CETN3: variants seen among roughly 807,000 people sequenced by gnomAD.
CETN3 encodes centrin 3, also known as centrin-3.
A neutral mutation model predicts 20.1 loss-of-function variants in CETN3; 17 were observed. That is an observed-to-expected ratio of 0.85 (90% CI 0.58 to 1.27). CETN3 has a LOEUF of 1.27. Among genes scored for constraint, CETN3 ranks in the 50% most tolerant of loss-of-function variants. CETN3 has a pLI of 0.00. For missense variants in CETN3, 169 were observed against 191.2 expected, an observed-to-expected ratio of 0.88 and a Z score of 0.69; for synonymous variants, 52 against 59.7, an observed-to-expected ratio of 0.87 and a Z score of 0.59.
intron 4 of CETN3, chr5:90,395,758 G>T (rs1749124154): frequency 1.8e-5 from 8 of 444,512 alleles, no homozygotes; most frequent in Non-Finnish European, 2.1e-5. Context: ...GTACAATGGT[G>T]TTCATTGTAC....
chr5:90,398,988 G>C (rs1221305601), intron 4 of CETN3: 4 of 345,094 alleles, frequency 1.2e-5, no homozygotes. Context: ...TAGAAATTAG[G>C]GCCTGAACTA....
chr5:90,400,709 G>A (rs568311355), intron 3 of CETN3, among the ~76,000 whole-genome samples: 12 of 151,606 alleles, frequency 7.9e-5, no homozygotes, highest in African/African-American at 1.9e-4. Context: ...TGTTTCACCC[G>A]TATTTGGTTC....
intron 4 of CETN3, among the ~76,000 whole-genome samples, chr5:90,394,662 AG>A (rs1749098449): frequency 6.6e-6 from 1 of 151,994 alleles, no homozygotes; most frequent in South Asian, 2.1e-4. Context: ...CATACCTCAA[AG>A]GTATCAATAA....
intron 1 of CETN3, 89 bp downstream of exon 1, chr5:90,409,556 C>T (rs1749567891): frequency 6.6e-7 from 1 of 1,509,400 alleles, no homozygotes; most frequent in Admixed American, 1.7e-5. Context: ...CCTGCCTCGC[C>T]TCGGCCCCAA....
At chr5:90,409,559 G>T in intron 1 of CETN3, 86 bp downstream of exon 1, 1 of 1,514,242 alleles carries the variant, frequency 6.6e-7, no homozygotes, top group Non-Finnish European at 9.2e-7. Flanking sequence ...GCCTCGCCTC[G>T]GCCCCAAACG....
intron 3 of CETN3, chr5:90,405,313 C>T (rs1204089976): frequency 9.1e-6 from 2 of 220,406 alleles, no homozygotes; most frequent in East Asian, 9.8e-5. Context: ...TCTTGGGAAA[C>T]ATTTTCCAAA....
At chr5:90,400,548 A>T (rs888125892) in intron 3 of CETN3, among the ~76,000 whole-genome samples, 3 of 151,496 alleles carry the variant, frequency 2.0e-5, no homozygotes, top group Non-Finnish European at 4.4e-5. Context: ...TTACTATGCT[A>T]TTAAAAATAA....
Sources: gnomAD v4.1 joint callset for allele counts (sites outside exome capture counted in the v4.1 genomes callset) on GRCh38, gnomAD v4.1.1 for gene constraint, MANE v1.5 for transcripts, NCBI Gene and HGNC (gene_info 2026-07-23, HGNC 2026-07-21) for gene names.